Variants in TTYH3 observed in about 807,000 individuals in gnomAD.
The protein encoded by TTYH3 is protein tweety homolog 3.
TTYH3 carries 23 observed loss-of-function variants against 68.2 expected under a neutral mutation model. That is an observed-to-expected ratio of 0.34 (90% CI 0.24 to 0.48). The LOEUF is 0.48. Among genes scored for constraint, TTYH3 ranks in the 20% least tolerant of loss-of-function variants. The pLI, the probability that TTYH3 is intolerant of heterozygous loss-of-function variation, is 0.99. For missense variants in TTYH3, 768 were observed against 727.7 expected, an observed-to-expected ratio of 1.06 and a Z score of -0.64; for synonymous variants, 360 against 332.8, an observed-to-expected ratio of 1.08 and a Z score of -0.89.
At position 2,640,253 on chromosome 7, in the gene TTYH3, C is replaced by G. The variant is rs574049830; in HGVS notation, c.124-6600C>G. On this transcript the variant is annotated intron_variant, in intron 1 of 13. Coordinates refer to ENST00000258796, the MANE Select transcript of TTYH3 (RefSeq NM_025250.3). ...TCATCAGAGTCCCTGTGAGCACCCC[C>G]CAGTGGGCCAGGGCCTCCTCAGCCC... 1.1e-4 allele frequency among the ~76,000 whole-genome samples: 17 copies of G among 152,354 alleles called. 1 individual carries two copies. In the South Asian group the frequency reaches 2.7e-3, roughly 24 times the overall value.
intron 1 of TTYH3, among the ~76,000 whole-genome samples, chr7:2,643,373 A>AT (rs1554329044): frequency 2.0e-5 from 3 of 150,650 alleles, no homozygotes; most frequent in Admixed American, 1.3e-4. Context: ...AAAAAAAAAA[A>AT]TCGTAGAGTC....
intron 1 of TTYH3, among the ~76,000 whole-genome samples, chr7:2,641,236 A>G (rs1785832913): frequency 6.6e-6 from 1 of 152,106 alleles, no homozygotes; most frequent in South Asian, 2.1e-4. Context: ...GTAAGGCTTC[A>G]GGCCCCGGCT....
chr7:2,659,390 G>A (rs998888572), intron 13 of TTYH3, among the ~76,000 whole-genome samples: 21 of 152,314 alleles, frequency 1.4e-4, no homozygotes, highest in African/African-American at 5.1e-4. Flanking sequence ...GCACGGCCCT[G>A]CACCAGGCCC....
intron 9 of TTYH3, among the ~76,000 whole-genome samples, chr7:2,654,230 C>CA (rs1352148216): frequency 5.3e-5 from 8 of 151,990 alleles, no homozygotes; most frequent in Non-Finnish European, 4.4e-5. Context: ...CCCCATTCTA[C>CA]AAAAAAATAC....
intron 9 of TTYH3, among the ~76,000 whole-genome samples, chr7:2,654,323 A>G (rs1298385762): frequency 6.6e-6 from 1 of 152,108 alleles, no homozygotes; most frequent in East Asian, 1.9e-4. Context: ...TGAGCCCGGG[A>G]GTTCAAAGCT....
chr7:2,647,115 T>C (rs767864614), intron 2 of TTYH3, 27 bp from the exon 3 acceptor site: 2 of 1,572,112 alleles, frequency 1.3e-6, no homozygotes, highest in East Asian at 2.3e-5. Flanking sequence ...TGGGCGGGGC[T>C]ACATCTCACG....
intron 1 of TTYH3, among the ~76,000 whole-genome samples, chr7:2,633,820 C>A (rs180945139): frequency 2.0e-5 from 3 of 152,214 alleles, no homozygotes; most frequent in African/African-American, 7.2e-5. Flanking sequence ...GCCACCTGCC[C>A]GAGCTGCCAG....
chr7:2,641,044 T>C (rs915315696), intron 1 of TTYH3, among the ~76,000 whole-genome samples: 2 of 152,032 alleles, frequency 1.3e-5, no homozygotes, highest in African/African-American at 2.4e-5. Context: ...AGGGGAAGGC[T>C]CCAGGCCCAG....
intron 1 of TTYH3, 126 bp from the exon 2 acceptor site, chr7:2,646,727 G>A (rs916428295): frequency 9.4e-7 from 1 of 1,069,154 alleles, no homozygotes. Context: ...GTCGGGGATG[G>A]GGCCCACCTC....
chr7:2,632,922 G>C (rs546144730), intron 1 of TTYH3, among the ~76,000 whole-genome samples: 84 of 152,322 alleles, frequency 5.5e-4, no homozygotes, highest in African/African-American at 1.9e-3. Flanking sequence ...TGGGAGACCA[G>C]GCTGCCTGTA....
intron 1 of TTYH3, among the ~76,000 whole-genome samples, chr7:2,638,813 G>C (rs1163160042): frequency 6.6e-6 from 1 of 152,202 alleles, no homozygotes; most frequent in African/African-American, 2.4e-5. Context: ...GCCGCATGGG[G>C]GGCTGAGGCC....
At position 2,646,873 on chromosome 7, in the gene TTYH3, C is replaced by A; in HGVS notation, c.144C>A (p.Ala48=). ...DYQQALLLLG[A]AALACLALDL... ...CTCAGGCCCTGCTGCTCCTGGGGGC[C>A]GCCGCCCTGGCCTGCCTCGCCCTGG... The change falls in exon 2 of 14, where the codon GCC becomes GCA. Residue 48 remains alanine, a synonymous_variant. Coordinates refer to ENST00000258796, the MANE Select transcript of TTYH3 (RefSeq NM_025250.3). 1 of 1,596,676 alleles carries A rather than the reference C, an allele frequency of 6.3e-7. No homozygotes were observed. The highest frequency in any genetic ancestry group is 8.5e-7 in the Non-Finnish European group (1 of 1,178,754).
intron 1 of TTYH3, among the ~76,000 whole-genome samples, chr7:2,643,334 G>A (rs1293260167): frequency 1.4e-5 from 2 of 141,934 alleles, no homozygotes; most frequent in Non-Finnish European, 3.0e-5. Context: ...CAGCCTGGGC[G>A]ACAGAGCGAG....
intron 1 of TTYH3, among the ~76,000 whole-genome samples, chr7:2,639,993 TGCCTGGCCTGCCA>T (rs1040934702): frequency 7.1e-3 from 1 of 140 alleles, no homozygotes; most frequent in African/African-American, 0.017. Flanking sequence ...GTGGTCACGC[TGCCTGGCCTGCCA>T]GCTCACCCGC....
At chr7:2,649,847 A>AC in intron 6 of TTYH3, 66 bp from the exon 7 acceptor site, 1 of 1,575,958 alleles carries the variant, frequency 6.3e-7, no homozygotes, top group South Asian at 1.1e-5. Flanking sequence ...GACGGGTTCT[A>AC]CCCCCGAGAG....
At chr7:2,647,095 T>G (rs757074576) in intron 2 of TTYH3, 47 bp from the exon 3 acceptor site, 90 of 1,493,688 alleles carry the variant, frequency 6.0e-5, no homozygotes, top group Admixed American at 1.2e-4. Flanking sequence ...TGGAGTGGGG[T>G]GTGTGTGGGT....
chr7:2,656,193 CAGGGCCTGGGACAGGGCCA>C lies in TTYH3; in HGVS notation c.1113+10_1113+28del. On this transcript the variant is annotated intron_variant, in intron 10 of 13. Transcript: ENST00000258796. ...GCCGCAGCCTGCATCTGGTGAGAGG[CAGGGCCTGGGACAGGGCCA>C]TGGCAGCTTGTAGGGTGGGAACAGG... 6.4e-7 allele frequency: 1 copy of C among 1,562,574 alleles called. No individual in the cohort carries two copies. The highest frequency in any genetic ancestry group is 8.7e-7 in the Non-Finnish European group (1 of 1,153,422).
At chr7:2,660,287 C>T in intron 13 of TTYH3, 4 of 985,428 alleles carry the variant, frequency 4.1e-6, no homozygotes, top group Non-Finnish European at 4.8e-6. Flanking sequence ...TGCTTGGCCT[C>T]TGGGGACTCT....
At chr7:2,641,485 C>G (rs1181316620) in intron 1 of TTYH3, among the ~76,000 whole-genome samples, 2 of 152,188 alleles carry the variant, frequency 1.3e-5, no homozygotes, top group African/African-American at 4.8e-5. Flanking sequence ...CCCCAGCCCC[C>G]TTGGCACATG....
Sources: allele counts gnomAD v4.1 joint callset (sites outside exome capture counted in the v4.1 genomes callset), GRCh38; gene constraint gnomAD v4.1.1; transcripts MANE v1.5; gene names NCBI Gene and HGNC (gene_info 2026-07-23, HGNC 2026-07-21).